The following RNF185 variants were observed in gnomAD, a reference collection of about 807,000 sequenced individuals.
RNF185 encodes ring finger protein 185.
In RNF185, 13 loss-of-function variants were observed where a neutral mutation model predicts 24.9. That is an observed-to-expected ratio of 0.52 (90% CI 0.34 to 0.83). RNF185 has a LOEUF of 0.83. Among genes scored for constraint, RNF185 ranks in the 40% least tolerant of loss-of-function variants. RNF185 has a pLI of 0.01. For synonymous variants in RNF185, 79 were observed against 90.3 expected (o/e 0.88, Z 0.71); for missense variants, 184 against 244.7 (o/e 0.75, Z 1.65).
chr22:31,192,798 C>G (rs2048168504), intron 3 of RNF185, 96 bp downstream of exon 3: 2 of 1,166,212 alleles, frequency 1.7e-6, no homozygotes, highest in Admixed American at 3.5e-5. Context: ...TGCAATCTGC[C>G]CTGCTTGTGG....
intron 1 of RNF185, 22 bp from the exon 2 acceptor site, chr22:31,187,025 T>C: frequency 6.6e-7 from 1 of 1,507,664 alleles, no homozygotes; most frequent in Non-Finnish European, 9.0e-7. Flanking sequence ...AAATGGACAG[T>C]CAAGAGTTCT....
chr22:31,168,892 C>A (rs562982112), intron 1 of RNF185, among the ~76,000 whole-genome samples: 50 of 152,076 alleles, frequency 3.3e-4, no homozygotes, highest in African/African-American at 1.1e-3. Context: ...CCTTTGCCCC[C>A]CCGCCCCACC....
intron 2 of RNF185, among the ~76,000 whole-genome samples, chr22:31,187,579 G>C (rs1260632568): frequency 7.2e-5 from 11 of 152,324 alleles, no homozygotes; most frequent in Admixed American, 6.5e-4. Context: ...TTATAAGCAA[G>C]GACTGTGGAA....
intron 4 of RNF185, 121 bp from the exon 5 acceptor site, chr22:31,196,815 T>C: frequency 7.6e-7 from 1 of 1,313,342 alleles, no homozygotes. Context: ...TGGCATAAGT[T>C]CATGTCCTGG....
At chr22:31,170,624 T>G (rs1475859952) in intron 1 of RNF185, among the ~76,000 whole-genome samples, 1 of 151,938 alleles carries the variant, frequency 6.6e-6, no homozygotes, top group East Asian at 1.9e-4. Context: ...GATTCCCATG[T>G]CTCAGCCTTC....
chr22:31,189,751 G>GCACCCCACCA (rs1555882611), intron 2 of RNF185, among the ~76,000 whole-genome samples: 5 of 151,366 alleles, frequency 3.3e-5, no homozygotes, highest in Non-Finnish European at 5.9e-5. Context: ...GATTACAGGT[G>GCACCCCACCA]CACCCAGCTA....
intron 1 of RNF185, among the ~76,000 whole-genome samples, chr22:31,165,084 ATT>A (rs560033280): frequency 7.2e-6 from 1 of 138,520 alleles, no homozygotes. Flanking sequence ...CTAATTTTGT[ATT>A]TTTTTTTTTT....
At chr22:31,198,384 T>G in intron 5 of RNF185, among the ~76,000 whole-genome samples, 1 of 147,532 alleles carries the variant, frequency 6.8e-6, no homozygotes, top group Non-Finnish European at 1.5e-5. Context: ...ACAATAACCA[T>G]CTTTGCACAC....
intron 2 of RNF185, among the ~76,000 whole-genome samples, chr22:31,188,827 A>G (rs1453217190): frequency 6.7e-6 from 1 of 150,298 alleles, no homozygotes; most frequent in Non-Finnish European, 1.5e-5. Context: ...TTAAAAATAT[A>G]TATATATTCT....
chr22:31,174,168 A>G (rs2047958764), intron 1 of RNF185, among the ~76,000 whole-genome samples: 1 of 152,228 alleles, frequency 6.6e-6, no homozygotes, highest in Admixed American at 6.5e-5. Flanking sequence ...CAAATGAGAA[A>G]AACAAAGGCT....
At chr22:31,189,135 A>ATGTGTGTGTGTGTGTG (rs202051750) in intron 2 of RNF185, among the ~76,000 whole-genome samples, 1 of 136,872 alleles carries the variant, frequency 7.3e-6, no homozygotes, top group Non-Finnish European at 1.6e-5. Flanking sequence ...CAAAAAAAAA[A>ATGTGTGTGTGTGTGTG]TGTGTGTGTG....
chr22:31,168,847 G>C (rs1924099231), intron 1 of RNF185, among the ~76,000 whole-genome samples: 1 of 152,020 alleles, frequency 6.6e-6, no homozygotes, highest in Non-Finnish European at 1.5e-5. Context: ...TGGGACATTT[G>C]TATTTCTTCT....
In RNF185 at chr22:31,205,935, A is replaced by T. The variant is rs2048310401; in HGVS notation, c.*1349A>T. ...GGGACTATGGTACCAAGCAGGTAGGACTGTTCACCTGGTGGAACAGTTCTT... is the reference window on the plus strand; with the variant it reads ...GGGACTATGGTACCAAGCAGGTAGGTCTGTTCACCTGGTGGAACAGTTCTT... On this transcript the variant is annotated 3_prime_UTR_variant, in exon 7 of 7. Coordinates refer to ENST00000326132, the MANE Select transcript of RNF185 (RefSeq NM_152267.4). 1 of 153,966 alleles carries T rather than the reference A, an allele frequency of 6.5e-6. No individual in the cohort carries two copies. The allele number at this position is 153,966 out of a possible 1,614,324, so 9.5% of individuals were successfully genotyped here.
At chr22:31,185,155 G>T (rs940370147) in intron 1 of RNF185, among the ~76,000 whole-genome samples, 1 of 152,022 alleles carries the variant, frequency 6.6e-6, no homozygotes, top group Non-Finnish European at 1.5e-5. Context: ...TCTTGGAGCC[G>T]AGGCCAGCGC....
intron 5 of RNF185, among the ~76,000 whole-genome samples, chr22:31,200,176 G>A (rs2048246786): frequency 6.6e-6 from 1 of 152,060 alleles, no homozygotes. Context: ...GAGCAACAAA[G>A]TGAGACCCTA....
At chr22:31,199,984 T>G (rs2048244937) in intron 5 of RNF185, among the ~76,000 whole-genome samples, 1 of 152,214 alleles carries the variant, frequency 6.6e-6, no homozygotes, top group Non-Finnish European at 1.5e-5. Flanking sequence ...TTTTATTATT[T>G]TTAAAATCAT....
At chr22:31,163,025 A>G (rs1321025268) in intron 1 of RNF185, among the ~76,000 whole-genome samples, 1 of 152,064 alleles carries the variant, frequency 6.6e-6, no homozygotes, top group Non-Finnish European at 1.5e-5. Context: ...CAGCCTCCCA[A>G]GGTGCTGGGA....
At chr22:31,170,241 T>C (rs1332427625) in intron 1 of RNF185, among the ~76,000 whole-genome samples, 1 of 152,134 alleles carries the variant, frequency 6.6e-6, no homozygotes, top group Non-Finnish European at 1.5e-5. Flanking sequence ...CAGGCTGGAG[T>C]GCAGTGGTGC....
At chr22:31,177,195 G>A (rs778289902) in intron 1 of RNF185, among the ~76,000 whole-genome samples, 1 of 151,778 alleles carries the variant, frequency 6.6e-6, no homozygotes, top group Non-Finnish European at 1.5e-5. Flanking sequence ...AGTACACTGG[G>A]TTGCCTTGTT....
Sources: allele counts gnomAD v4.1 joint callset (sites outside exome capture counted in the v4.1 genomes callset), GRCh38; gene constraint gnomAD v4.1.1; transcripts MANE v1.5; gene names NCBI Gene and HGNC (gene_info 2026-07-23, HGNC 2026-07-21).